Variants in DCTN1 observed in about 807,000 individuals in gnomAD.
The protein encoded by DCTN1 is 150 kDa dynein-associated polypeptide.
DCTN1 carries 61 observed loss-of-function variants against 161.2 expected under a neutral mutation model. The ratio of observed to expected loss-of-function variants is 0.38; its 90% CI spans 0.31 to 0.47. The LOEUF is 0.47. Among genes scored for constraint, DCTN1 ranks in the 20% least tolerant of loss-of-function variants. The pLI is 0.99. For synonymous variants in DCTN1, 653 were observed against 632.4 expected (o/e 1.03, Z -0.49); for missense variants, 1,404 against 1,623.7 (o/e 0.86, Z 2.33).
At chr2:74,388,165 C>G (rs1332893255) in intron 1 of DCTN1, among the ~76,000 whole-genome samples, 1 of 151,830 alleles carries the variant, frequency 6.6e-6, no homozygotes, top group East Asian at 1.9e-4. Flanking sequence ...CCACCACACT[C>G]CAGCCTGGTT....
At chr2:74,361,923 T>C in intron 31 of DCTN1, 129 bp downstream of exon 31, 1 of 992,668 alleles carries the variant, frequency 1.0e-6, no homozygotes, top group Non-Finnish European at 1.6e-6. Context: ...AAGTAAAATT[T>C]GGCCAGATAA....
intron 2 of DCTN1, 91 bp from the exon 3 acceptor site, chr2:74,377,817 C>A: frequency 2.0e-6 from 3 of 1,482,262 alleles, no homozygotes; most frequent in Non-Finnish European, 2.8e-6. Flanking sequence ...AGGCTCCAAG[C>A]AAACCAAGAG....
exon 1 of DCTN1, chr2:74,391,802 T>C (rs1411843608): frequency 8.8e-6 from 4 of 453,722 alleles, no homozygotes; most frequent in Admixed American, 4.7e-5. Context: ...ACCTGCACTG[T>C]GAGGGGCTCC....
At chr2:74,380,375 C>A, upstream of DCTN1, 2 of 510,778 alleles carry the variant, frequency 3.9e-6, no homozygotes, top group Non-Finnish European at 7.7e-6. Context: ...TGCCCCCCTG[C>A]TTCACGTGGG....
intron 8 of DCTN1, 65 bp from the exon 9 acceptor site, chr2:74,371,241 G>A: frequency 6.2e-7 from 1 of 1,607,458 alleles, no homozygotes; most frequent in South Asian, 1.1e-5. Flanking sequence ...CACTGAGCTG[G>A]CGCAAAGAAC....
Position 74,366,008 on chromosome 2 carries a change from A to C in DCTN1, c.2771T>G (p.Val924Gly). 6.2e-7 allele frequency: 1 copy of C among 1,614,246 alleles called. No individual in the cohort carries two copies. Among genetic ancestry groups the C allele is most frequent in the African/African-American group, 1.3e-5 (1 of 75,058 alleles). Residue 924 changes from valine to glycine, a missense_variant, in exon 24 of 32, where the codon GTT (valine) becomes GGT (glycine). Physicochemically the swap from Val to Gly is moderately radical, Grantham distance 109 (BLOSUM62 -3). Around this residue, in one of 9 missense-constraint regions of DCTN1, gnomAD observed 475 missense variants for 489.8 expected, o/e 0.97. Transcript: ENST00000628224. Reference sequence around the variant, plus strand: ...ACGAAGGGCAGCAGCCCGCAGTTCAACCGGTGGAGGCTAAGGAATGGTCGG... The same window carrying C: ...ACGAAGGGCAGCAGCCCGCAGTTCACCCGGTGGAGGCTAAGGAATGGTCGG... ...AERPPSKPPP[V>G]ELRAAALRAE...
upstream of DCTN1, chr2:74,380,627 T>C (rs905141488): frequency 5.8e-5 from 27 of 467,642 alleles, no homozygotes; most frequent in Middle Eastern, 1.6e-3. Context: ...TCTACCTTTC[T>C]GGTGCTCTTC....
chr2:74,367,254 T>TCTG, intron 19 of DCTN1, 98 bp downstream of exon 19: 1 of 1,544,424 alleles, frequency 6.5e-7, no homozygotes, highest in South Asian at 1.1e-5. Context: ...AACTCTGCCC[T>TCTG]AGTCTTATGT....
At chr2:74,365,394 T>G in intron 25 of DCTN1, 121 bp downstream of exon 25, 1 of 1,560,044 alleles carries the variant, frequency 6.4e-7, no homozygotes, top group Non-Finnish European at 8.7e-7. Context: ...GGGTTGGCAG[T>G]GGGTAAAGAA....
At position 74,372,924 on chromosome 2, in the gene DCTN1, T is replaced by C; in HGVS notation, c.453+4A>G. 6.2e-7 allele frequency: 1 copy of C among 1,614,078 alleles called. No individual in the cohort carries two copies. The highest frequency in any genetic ancestry group is 8.5e-7 in the Non-Finnish European group (1 of 1,179,982). On this transcript the variant is annotated splice_donor_region_variant and intron_variant, in intron 7 of 31. Coordinates refer to ENST00000628224, the MANE Select transcript of DCTN1 (RefSeq NM_004082.5). ...GTGGCTCACACAGGGGCCTGTTTTC[T>C]CACCTTGGGTCGCCGAGTTGTGGTC...
At chr2:74,390,888 G>C (rs765489253) in intron 1 of DCTN1, among the ~76,000 whole-genome samples, 2 of 152,148 alleles carry the variant, frequency 1.3e-5, no homozygotes, top group African/African-American at 4.8e-5. Context: ...CCACATGTTA[G>C]CCAGAGGCAT....
chr2:74,379,644 G>A (rs1443324471), intron 1 of DCTN1, among the ~76,000 whole-genome samples: 1 of 152,176 alleles, frequency 6.6e-6, no homozygotes, highest in African/African-American at 2.4e-5. Flanking sequence ...AGAAGAGAAA[G>A]AAAGCAAGTA....
intron 1 of DCTN1, chr2:74,378,988 C>T (rs1214650529): frequency 6.5e-6 from 1 of 153,210 alleles, no homozygotes; most frequent in Non-Finnish European, 1.5e-5. Flanking sequence ...AAAAGGAAAA[C>T]ACAGGCCAAG....
At chr2:74,376,632 C>T (rs1675242240) in intron 5 of DCTN1, 110 bp downstream of exon 5, 5 of 1,107,632 alleles carry the variant, frequency 4.5e-6, no homozygotes, top group Non-Finnish European at 4.0e-6. Flanking sequence ...TCTGGCCATC[C>T]CAGCCCAAGG....
chr2:74,374,155 T>A (rs1445258589), intron 6 of DCTN1, 168 bp downstream of exon 6: 2 of 710,510 alleles, frequency 2.8e-6, no homozygotes, highest in Admixed American at 4.1e-5. Flanking sequence ...ATGCCCAGGG[T>A]GTGGGGCATA....
Position 74,380,179 on chromosome 2 carries a change from G to T in DCTN1, c.-142C>A. On this transcript the variant is annotated 5_prime_UTR_variant, in exon 1 of 32. Transcript: ENST00000628224. ...AGGCACAGCCCTCCCCAGTCCATGGGCCTCACTCGGTGGCCTACACGGGTA... is the reference window on the plus strand; with the variant it reads ...AGGCACAGCCCTCCCCAGTCCATGGTCCTCACTCGGTGGCCTACACGGGTA... 1.1e-6 allele frequency: 1 copy of T among 872,328 alleles called. No homozygotes were observed. Among genetic ancestry groups the T allele is most frequent in the Non-Finnish European group, 1.9e-6 (1 of 533,960 alleles). 54.0% of individuals were successfully genotyped at this position (872,328 alleles called of 1,614,324 possible).
rs528137725 is a variant in DCTN1 at position 74,377,351 on chromosome 2, A to G, written c.393+81T>C. 1.5e-5 allele frequency: 19 copies of G among 1,270,730 alleles called. No individual in the cohort carries two copies. The South Asian group carries it at 2.1e-4, about 14-fold the overall frequency. The allele number at this position is 1,270,730 out of a possible 1,614,324, so 78.7% of individuals were successfully genotyped here. ...CAAATCAGACTCACCTACTACTTCT[A>G]CCTGCCTAGCACTGGGTATCCCTCC... On this transcript the variant is annotated intron_variant, in intron 4 of 31. Coordinates refer to ENST00000628224, the MANE Select transcript of DCTN1 (RefSeq NM_004082.5).
intron 30 of DCTN1, 96 bp downstream of exon 30, chr2:74,362,554 T>C: frequency 7.7e-7 from 1 of 1,303,346 alleles, no homozygotes; most frequent in Non-Finnish European, 1.1e-6. Flanking sequence ...CCCCAATTGC[T>C]GTCTAGCACA....
rs528908728 is a variant in DCTN1 at position 74,371,612 on chromosome 2, C to A, written c.570G>T (p.Pro190=). 7.5e-6 allele frequency: 12 copies of A among 1,589,492 alleles called. No individual in the cohort carries two copies. The East Asian group carries it at 2.5e-4, about 33-fold the overall frequency. Residue 190 remains proline (P), a synonymous_variant, in exon 8 of 32, where the codon CCG becomes CCT. Transcript: ENST00000628224. ...SSEPSTPAQT[P]LAAPIIPTPV... Reference sequence around the variant, plus strand: ...GCGTGGGGATGATGGGTGCTGCCAGCGGAGTCTGAGCCGGGGTGCTGGGCT... The same window carrying A: ...GCGTGGGGATGATGGGTGCTGCCAGAGGAGTCTGAGCCGGGGTGCTGGGCT...
Sources: allele counts gnomAD v4.1 joint callset (sites outside exome capture counted in the v4.1 genomes callset), GRCh38; gene constraint gnomAD v4.1.1; regional missense constraint gnomAD v4.1.1; transcripts MANE v1.5; gene names NCBI Gene and HGNC (gene_info 2026-07-23, HGNC 2026-07-21).